Variants in TMTC2 observed in about 807,000 individuals in gnomAD.
TMTC2 encodes transmembrane O-mannosyltransferase targeting cadherins 2, also known as protein O-mannosyl-transferase TMTC2.
A neutral mutation model predicts 82.4 loss-of-function variants in TMTC2; 43 were observed. That is an observed-to-expected ratio of 0.52 (90% CI 0.41 to 0.67). TMTC2 has a LOEUF of 0.67. Ranked by LOEUF, TMTC2 falls within the 30% of genes least tolerant of loss-of-function variation. The pLI is 0.00. For synonymous variants in TMTC2, 408 were observed against 381.9 expected (o/e 1.07, Z -0.80); for missense variants, 919 against 1,012.4 (o/e 0.91, Z 1.25).
chr12:82,981,284 C>G (rs763796550), intron 7 of TMTC2, among the ~76,000 whole-genome samples: 5 of 151,840 alleles, frequency 3.3e-5, no homozygotes, highest in Non-Finnish European at 5.9e-5. Flanking sequence ...CAGGAGCTGT[C>G]CAGTAATTTG....
intron 11 of TMTC2, among the ~76,000 whole-genome samples, chr12:83,078,728 C>T (rs769061339): frequency 2.6e-5 from 4 of 151,898 alleles, no homozygotes; most frequent in Middle Eastern, 3.4e-3. Flanking sequence ...TATGTTTGAC[C>T]AGCTCTCATA....
chr12:82,752,557 A>G (rs1876072633), intron 1 of TMTC2, among the ~76,000 whole-genome samples: 1 of 152,108 alleles, frequency 6.6e-6, no homozygotes, highest in East Asian at 1.9e-4. Flanking sequence ...GGCGCTGTTT[A>G]TAGTCTTGGG....
chr12:83,055,183 C>T (rs1423891217), intron 10 of TMTC2, among the ~76,000 whole-genome samples: 2 of 151,988 alleles, frequency 1.3e-5, no homozygotes, highest in Non-Finnish European at 2.9e-5. Flanking sequence ...CCTCTGAATT[C>T]CATTCTCTTG....
chr12:82,733,805 A>G (rs1416403926), intron 1 of TMTC2, among the ~76,000 whole-genome samples: 2 of 152,226 alleles, frequency 1.3e-5, no homozygotes, highest in African/African-American at 4.8e-5. Context: ...TCTATAGATT[A>G]TAGAAAGATG....
At chr12:82,819,141 A>G (rs1288362203) in intron 1 of TMTC2, among the ~76,000 whole-genome samples, 2 of 152,022 alleles carry the variant, frequency 1.3e-5, no homozygotes, top group African/African-American at 2.4e-5. Flanking sequence ...CAGCATCTGC[A>G]GTATGCCTCA....
intron 9 of TMTC2, among the ~76,000 whole-genome samples, chr12:83,035,161 G>A (rs776707332): frequency 1.3e-5 from 2 of 152,172 alleles, no homozygotes; most frequent in Non-Finnish European, 2.9e-5. Context: ...ATACCATCCA[G>A]TTGGGATTAG....
At chr12:82,759,961 C>T (rs1876520461) in intron 1 of TMTC2, 2 of 152,162 alleles carry the variant, frequency 1.3e-5, no homozygotes, top group South Asian at 4.1e-4. Context: ...ACCTCGATAG[C>T]CTGATTTTTA....
At chr12:82,867,657 A>T (rs1871937581) in intron 2 of TMTC2, among the ~76,000 whole-genome samples, 1 of 152,190 alleles carries the variant, frequency 6.6e-6, no homozygotes, top group Admixed American at 6.5e-5. Context: ...TGAAAAAAAG[A>T]TTATACCAAG....
At chr12:82,922,963 A>G (rs575504678) in intron 3 of TMTC2, among the ~76,000 whole-genome samples, 1 of 152,294 alleles carries the variant, frequency 6.6e-6, no homozygotes, top group African/African-American at 2.4e-5. Context: ...GAATTTAAAC[A>G]TTCTCTTACG....
At chr12:82,794,825 TATC>T (rs1878641358) in intron 1 of TMTC2, among the ~76,000 whole-genome samples, 1 of 152,074 alleles carries the variant, frequency 6.6e-6, no homozygotes, top group South Asian at 2.1e-4. Context: ...AGTAGTTAGT[TATC>T]ATGGGATCCT....
At chr12:82,898,889 C>A (rs775440182) in intron 3 of TMTC2, among the ~76,000 whole-genome samples, 1 of 152,146 alleles carries the variant, frequency 6.6e-6, no homozygotes, top group Non-Finnish European at 1.5e-5. Context: ...TACTCAGATG[C>A]TAGGGTATAA....
rs77067771 is a variant in TMTC2, at chr12:82,859,864, A to G, written c.654+2284A>G. Among the ~76,000 whole-genome samples, 83 of 152,308 alleles carry G rather than the reference A, an allele frequency of 5.4e-4. No individual in the cohort carries two copies. In the East Asian group the frequency reaches 0.013, roughly 24 times the overall value. ...AAGGGTAGTGGTCGGGGGCAGCAAG[A>G]CTTTGTCTGATATTTGCTATTCTAT... On this transcript the variant is annotated intron_variant, in intron 2 of 11. Coordinates refer to ENST00000321196, the MANE Select transcript of TMTC2 (RefSeq NM_152588.3).
intron 1 of TMTC2, among the ~76,000 whole-genome samples, chr12:82,736,630 G>A (rs892721904): frequency 7.2e-5 from 11 of 152,020 alleles, no homozygotes; most frequent in African/African-American, 2.4e-4. Flanking sequence ...TGTCAGAGAG[G>A]GCTAAAATTT....
In TMTC2 at chr12:83,098,944, GA is replaced by G. The variant is rs1351077725; in HGVS notation, c.2332-33262del. ...GTACTTCTGTTTTTCTAATGGCAAA[GA>G]AAATATAAACAACTGAATATCCACT... is the stretch of plus-strand genomic sequence containing the variant. On this transcript the variant is annotated intron_variant, in intron 11 of 11. Coordinates refer to ENST00000321196, the MANE Select transcript of TMTC2 (RefSeq NM_152588.3). 2.0e-5 allele frequency among the ~76,000 whole-genome samples: 3 copies of G among 152,206 alleles called. No individual in the cohort carries two copies. In the East Asian group the frequency reaches 5.8e-4, roughly 29 times the overall value.
chr12:83,017,537 T>C (rs1880728466), intron 8 of TMTC2, among the ~76,000 whole-genome samples: 1 of 152,186 alleles, frequency 6.6e-6, no homozygotes. Flanking sequence ...CTCCTCTGTT[T>C]AATTTCATTC....
rs1303054858 is a variant in TMTC2, at chr12:82,849,973, A to G, written c.84-7037A>G. The stretch of plus-strand genomic sequence containing the variant: ...TTTCCTAGTACATAGTTGGTACCAT[A>G]TTGACTCCTGCTGCCCTTGCTTGAA... On this transcript the variant is annotated intron_variant, in intron 1 of 11. Coordinates refer to ENST00000321196, the MANE Select transcript of TMTC2 (RefSeq NM_152588.3). Among the ~76,000 whole-genome samples the G allele has an allele frequency of 2.0e-5, 3 of 152,028 alleles. No homozygotes were observed. In the East Asian group the frequency reaches 5.8e-4, roughly 29 times the overall value.
intron 4 of TMTC2, among the ~76,000 whole-genome samples, chr12:82,950,517 A>G (rs140913639): frequency 6.6e-6 from 1 of 152,312 alleles, no homozygotes; most frequent in Non-Finnish European, 1.5e-5. Context: ...AACCATTCTG[A>G]TCTTTGAACC....
chr12:82,869,622 G>T (rs1010736679), intron 2 of TMTC2, among the ~76,000 whole-genome samples: 1 of 151,990 alleles, frequency 6.6e-6, no homozygotes, highest in African/African-American at 2.4e-5. Context: ...GGTGGATCGT[G>T]TGAGCCAGGA....
At chr12:82,943,817 A>T (rs909111876) in intron 4 of TMTC2, among the ~76,000 whole-genome samples, 1 of 152,220 alleles carries the variant, frequency 6.6e-6, no homozygotes, top group Non-Finnish European at 1.5e-5. Flanking sequence ...TAGACATCAT[A>T]TTAAAAGATG....
Sources: gnomAD v4.1 joint callset for allele counts (sites outside exome capture counted in the v4.1 genomes callset) on GRCh38, gnomAD v4.1.1 for gene constraint, MANE v1.5 for transcripts, NCBI Gene and HGNC (gene_info 2026-07-23, HGNC 2026-07-21) for gene names.